LIPK: variants seen among roughly 807,000 people sequenced by gnomAD.
LIPK encodes lipase family member K, also known as lipase member K.
A neutral mutation model predicts 48.6 loss-of-function variants in LIPK; 32 were observed. The observed-to-expected ratio is 0.66, with a 90% CI of 0.50 to 0.88. The LOEUF is 0.88. LIPK is among the 40% of genes least tolerant of loss of function. The probability of loss-of-function intolerance (pLI) is 0.00; values close to 1 mark genes in which losing one functional copy is unlikely to be tolerated. For synonymous variants in LIPK, 164 were observed against 157.4 expected (o/e 1.04, Z -0.32); for missense variants, 507 against 478.5 (o/e 1.06, Z -0.56).
In LIPK at chr10:88,735,686, C is replaced by G. The variant is rs79915865; in HGVS notation, c.670-1949C>G. Among the ~76,000 whole-genome samples, 340 of 152,366 alleles carry G rather than the reference C, an allele frequency of 2.2e-3. 10 individuals are homozygous for G. In the East Asian group the frequency reaches 0.051, roughly 23 times the overall value. Reference sequence around the variant, plus strand: ...AGAAAGAGGGGTGCCTTTTCTAATTCTCACACATACCAAAAGAGCTACTAG... The same window carrying G: ...AGAAAGAGGGGTGCCTTTTCTAATTGTCACACATACCAAAAGAGCTACTAG... On this transcript the variant is annotated intron_variant, in intron 6 of 9. Coordinates refer to ENST00000404190, the MANE Select transcript of LIPK (RefSeq NM_001080518.2).
chr10:88,724,471 C>A, intron 1 of LIPK, 62 bp from the exon 2 acceptor site: 1 of 977,268 alleles, frequency 1.0e-6, no homozygotes, highest in Non-Finnish European at 1.6e-6. Context: ...AAAAAGATTA[C>A]ACCAAATTTC....
intron 9 of LIPK, among the ~76,000 whole-genome samples, chr10:88,748,573 T>C (rs1842809756): frequency 6.7e-6 from 1 of 149,184 alleles, no homozygotes; most frequent in Admixed American, 6.8e-5. Context: ...GCTGAGATTG[T>C]GCCATGGCAC....
chr10:88,724,043 T>A (rs1402476903), intron 1 of LIPK, among the ~76,000 whole-genome samples: 1 of 152,190 alleles, frequency 6.6e-6, no homozygotes, highest in Non-Finnish European at 1.5e-5. Flanking sequence ...TTTAGATAGA[T>A]TCCTGAAAAC....
At chr10:88,745,694 G>A (rs547641550) in intron 9 of LIPK, among the ~76,000 whole-genome samples, 18 of 152,208 alleles carry the variant, frequency 1.2e-4, no homozygotes, top group Admixed American at 3.3e-4. Flanking sequence ...TACATAGACC[G>A]TTGACACTAG....
chr10:88,735,149 C>T (rs1590151165), intron 6 of LIPK, among the ~76,000 whole-genome samples: 1 of 152,190 alleles, frequency 6.6e-6, no homozygotes, highest in Admixed American at 6.5e-5. Context: ...TAACCTTGGA[C>T]AAGTTATTTA....
In LIPK at chr10:88,732,303, A is replaced by T; in HGVS notation, c.532+16A>T. On this transcript the variant is annotated intron_variant, in intron 5 of 9. Transcript: ENST00000404190. ...ACCACCATAGGTGTGTTTGGGGCAGATGTGATCAGAGAATGTCAGGGGCTC... is the reference window on the plus strand; with the variant it reads ...ACCACCATAGGTGTGTTTGGGGCAGTTGTGATCAGAGAATGTCAGGGGCTC... The T allele has an allele frequency of 6.2e-7, 1 of 1,606,068 alleles. No homozygotes were observed. Among genetic ancestry groups the T allele is most frequent in the Non-Finnish European group, 8.5e-7 (1 of 1,175,436 alleles).
chr10:88,708,235 A>G (rs954012873), intron 1 of LIPK, among the ~76,000 whole-genome samples: 6 of 152,156 alleles, frequency 3.9e-5, no homozygotes, highest in African/African-American at 1.4e-4. Flanking sequence ...TTAAATTTAT[A>G]CATAATTATT....
At chr10:88,738,004 C>T (rs113859595) in intron 7 of LIPK, among the ~76,000 whole-genome samples, 16 of 152,160 alleles carry the variant, frequency 1.1e-4, no homozygotes, top group Non-Finnish European at 1.6e-4. Context: ...TCTTCTTACC[C>T]GAAACGTCCT....
At chr10:88,711,625 C>T (rs1426686939) in intron 1 of LIPK, among the ~76,000 whole-genome samples, 4 of 152,116 alleles carry the variant, frequency 2.6e-5, no homozygotes, top group South Asian at 2.1e-4. Flanking sequence ...CAAGCATGCA[C>T]CAACATGCCT....
At chr10:88,717,003 GA>G (rs2134694620) in intron 1 of LIPK, among the ~76,000 whole-genome samples, 1 of 152,276 alleles carries the variant, frequency 6.6e-6, no homozygotes, top group South Asian at 2.1e-4. Flanking sequence ...GGAGAATGGG[GA>G]AAGAGACCAG....
intron 3 of LIPK, chr10:88,728,524 C>G: frequency 3.3e-6 from 1 of 305,346 alleles, no homozygotes; most frequent in Non-Finnish European, 6.6e-6. Context: ...AACGCTGAGC[C>G]TGCAGAGCTG....
At chr10:88,744,368 C>A (rs411713) in intron 9 of LIPK, among the ~76,000 whole-genome samples, 3 of 152,140 alleles carry the variant, frequency 2.0e-5, no homozygotes, top group Non-Finnish European at 4.4e-5. Flanking sequence ...ACCACCACCA[C>A]GATGAAGTGC....
chr10:88,751,934 C>T (rs1751373588), intron 9 of LIPK, among the ~76,000 whole-genome samples: 2 of 152,130 alleles, frequency 1.3e-5, no homozygotes, highest in African/African-American at 4.8e-5. Flanking sequence ...ACCTGGTTAC[C>T]TGGAACAGAG....
Position 88,730,968 on chromosome 10 carries a change from G to C in LIPK, c.224-15G>C. ...AAAGTTCAAATATGAAATTCTTGTT[G>C]CCTGTGTTTTGCAGCTCCAAAGCCT... On this transcript the variant is annotated splice_polypyrimidine_tract_variant and intron_variant, in intron 3 of 9. Transcript: ENST00000404190. The C allele has an allele frequency of 6.5e-7, 1 of 1,543,152 alleles. No homozygotes were observed. The highest frequency in any genetic ancestry group is 8.7e-7 in the Non-Finnish European group (1 of 1,147,608).
chr10:88,737,577 T>C (rs1842597641), intron 6 of LIPK, 58 bp from the exon 7 acceptor site: 1 of 1,573,704 alleles, frequency 6.4e-7, no homozygotes, highest in Non-Finnish European at 8.7e-7. Flanking sequence ...ACTATCTCTT[T>C]CTCCACTTTT....
Position 88,714,885 on chromosome 10 carries a change from C to A in LIPK, c.-12+8565C>A, listed in dbSNP as rs960982691. On this transcript the variant is annotated intron_variant, in intron 1 of 9. Coordinates refer to ENST00000404190, the MANE Select transcript of LIPK (RefSeq NM_001080518.2). Reference sequence around the variant, plus strand: ...ATTTTATTATTTCCTCTTTATTATTCCTCTCCTCATACTACTTTGATATTA... The same window carrying A: ...ATTTTATTATTTCCTCTTTATTATTACTCTCCTCATACTACTTTGATATTA... 2.6e-5 allele frequency among the ~76,000 whole-genome samples: 4 copies of A among 151,862 alleles called. No homozygotes were observed. The South Asian group carries it at 8.3e-4, about 32-fold the overall frequency.
At chr10:88,745,574 A>C (rs1195786338) in intron 9 of LIPK, among the ~76,000 whole-genome samples, 1 of 152,182 alleles carries the variant, frequency 6.6e-6, no homozygotes, top group African/African-American at 2.4e-5. Context: ...TTTCAGACAA[A>C]ATTGCTAAGG....
intron 6 of LIPK, among the ~76,000 whole-genome samples, chr10:88,735,073 A>G (rs571800735): frequency 1.9e-3 from 287 of 152,350 alleles, no homozygotes; most frequent in Non-Finnish European, 3.4e-3. Context: ...TGAATTGAGT[A>G]TAAAGCATAA....
At position 88,735,642 on chromosome 10, in the gene LIPK, G is replaced by C. The variant is rs530836678; in HGVS notation, c.670-1993G>C. Reference sequence around the variant, plus strand: ...TCTGCTTTGGCAAGCCATATGCCCTGGCATGGGGCCATGTTGCCAGAAAGA... The same window carrying C: ...TCTGCTTTGGCAAGCCATATGCCCTCGCATGGGGCCATGTTGCCAGAAAGA... On this transcript the variant is annotated intron_variant, in intron 6 of 9. Coordinates refer to ENST00000404190, the MANE Select transcript of LIPK (RefSeq NM_001080518.2). Among the ~76,000 whole-genome samples the C allele has an allele frequency of 2.0e-5, 3 of 152,384 alleles. No individual in the cohort carries two copies. The East Asian group carries it at 5.8e-4, about 29-fold the overall frequency.
Sources: allele counts gnomAD v4.1 joint callset (sites outside exome capture counted in the v4.1 genomes callset), GRCh38; gene constraint gnomAD v4.1.1; transcripts MANE v1.5; gene names NCBI Gene and HGNC (gene_info 2026-07-23, HGNC 2026-07-21).